RNF220: variants seen among roughly 807,000 people sequenced by gnomAD.
RNF220 encodes the protein E3 ubiquitin-protein ligase RNF220.
RNF220 carries 7 observed loss-of-function variants against 67.1 expected under a neutral mutation model. The observed-to-expected ratio is 0.10, with a 90% CI of 0.06 to 0.20. The LOEUF (loss-of-function observed/expected upper bound fraction) is 0.20, where lower values mean the gene tolerates loss of function less well. Ranked by LOEUF, RNF220 falls within the 10% of genes least tolerant of loss-of-function variation. The pLI is 1.00. For synonymous variants in RNF220, 270 were observed against 283.2 expected (o/e 0.95, Z 0.47); for missense variants, 565 against 740.3 (o/e 0.76, Z 2.75).
Position 44,645,475 on chromosome 1 carries a change from A to G in RNF220, c.1432A>G (p.Ser478Gly), listed in dbSNP as rs201667809. 8 of 1,614,004 alleles carry G rather than the reference A, an allele frequency of 5.0e-6. No homozygotes were observed. The highest frequency in any genetic ancestry group is 4.0e-5 in the African/African-American group (3 of 75,036). ...GGCCATGCAGAAGACCTGCAAGAACAGCGACATCGAGAAGTAAGTGTTTGG... is the reference window on the plus strand; with the variant it reads ...GGCCATGCAGAAGACCTGCAAGAACGGCGACATCGAGAAGTAAGTGTTTGG... ...QEAMQKTCKN[S>G]DIEKITEDSA... Residue 478 changes from serine to glycine, a missense_variant, in exon 12 of 15, where the codon AGC becomes GGC. Transcript: ENST00000361799. The surrounding 1 kb of genome is among the most constrained non-coding windows in gnomAD (Gnocchi z 5.0).
At chr1:44,484,933 G>A (rs1232605268) in intron 2 of RNF220, among the ~76,000 whole-genome samples, 2 of 152,148 alleles carry the variant, frequency 1.3e-5, no homozygotes, top group Non-Finnish European at 2.9e-5. Context: ...CACAAGGTCA[G>A]GAGATCGAGG....
intron 2 of RNF220, among the ~76,000 whole-genome samples, chr1:44,553,477 C>T (rs1315408182): frequency 1.3e-5 from 2 of 152,118 alleles, no homozygotes; most frequent in Non-Finnish European, 2.9e-5. Context: ...TCACTAAAAA[C>T]GAGATGACTT....
intron 5 of RNF220, among the ~76,000 whole-genome samples, chr1:44,627,966 T>C (rs889049033): frequency 1.3e-5 from 2 of 152,330 alleles, no homozygotes; most frequent in South Asian, 2.1e-4. Flanking sequence ...TCAAACTGCA[T>C]AGCCCAAAGT....
intron 2 of RNF220, among the ~76,000 whole-genome samples, chr1:44,442,299 C>A (rs147861623): frequency 9.9e-5 from 15 of 151,890 alleles, no homozygotes; most frequent in Admixed American, 3.3e-4. Flanking sequence ...TGCGCCACCA[C>A]GCCTAGTTAA....
At chr1:44,518,915 T>C (rs1044418634) in intron 2 of RNF220, among the ~76,000 whole-genome samples, 56 of 152,132 alleles carry the variant, frequency 3.7e-4, no homozygotes, top group African/African-American at 1.3e-3. Context: ...TAATCCTGAT[T>C]AGAAGGTGAA....
At position 44,530,426 on chromosome 1, in the gene RNF220, A is replaced by G. The variant is rs1357922180; in HGVS notation, c.626-83739A>G. The stretch of plus-strand genomic sequence containing the variant: ...TCACAAATGCAGATGTACAAAAAGG[A>G]CATCTCGTCATTTACTGAGGAAGTT... On this transcript the variant is annotated intron_variant, in intron 2 of 14. Transcript: ENST00000361799. Among the ~76,000 whole-genome samples the G allele has an allele frequency of 2.0e-5, 3 of 152,164 alleles. No individual in the cohort carries two copies. The East Asian group carries it at 5.8e-4, about 29-fold the overall frequency.
Position 44,645,483 on chromosome 1 carries a change from C to G in RNF220, c.1440C>G (p.Ile480Met). 1.2e-6 allele frequency: 2 copies of G among 1,613,868 alleles called. No homozygotes were observed. Among genetic ancestry groups the G allele is most frequent in the Non-Finnish European group, 1.7e-6 (2 of 1,179,938 alleles). Reference sequence around the variant, plus strand: ...AGAAGACCTGCAAGAACAGCGACATCGAGAAGTAAGTGTTTGGCCAGGAGA... The same window carrying G: ...AGAAGACCTGCAAGAACAGCGACATGGAGAAGTAAGTGTTTGGCCAGGAGA... ...AMQKTCKNSD[I>M]EKITEDSAVT... is the part of the protein sequence containing the mutation. The change falls in exon 12 of 15, where the codon ATC becomes ATG. Residue 480 changes from isoleucine (I) to methionine (M), a missense_variant. By Grantham distance (10) the Ile-to-Met change is conservative. Transcript: ENST00000361799. This position sits in a 1 kb window ranked among gnomAD's most constrained non-coding sequence, Gnocchi z 5.0.
At chr1:44,583,103 A>G (rs573276585) in intron 2 of RNF220, among the ~76,000 whole-genome samples, 1 of 152,286 alleles carries the variant, frequency 6.6e-6, no homozygotes, top group South Asian at 2.1e-4. Context: ...CAGAACTGGC[A>G]AAAAGGGAAC....
chr1:44,487,061 G>A (rs1198330026), intron 2 of RNF220, among the ~76,000 whole-genome samples: 1 of 152,186 alleles, frequency 6.6e-6, no homozygotes, highest in East Asian at 1.9e-4. Flanking sequence ...TCATCCAGGT[G>A]CGGTGGCTCA....
intron 2 of RNF220, among the ~76,000 whole-genome samples, chr1:44,582,509 C>T (rs1665367443): frequency 6.6e-6 from 1 of 152,206 alleles, no homozygotes; most frequent in Non-Finnish European, 1.5e-5. Context: ...GTAATCCCAG[C>T]ACGTTGGGAG....
rs111341246 is a variant in RNF220 at position 44,629,771 on chromosome 1, G to A, written c.907-2572G>A. On this transcript the variant is annotated intron_variant, in intron 5 of 14. Transcript: ENST00000361799. ...AATCAGAGTAAGCTTCACACAGGAG[G>A]TAATGACTGAAAACGGACTCAGAGA... Among the ~76,000 whole-genome samples, 590 of 152,294 alleles carry A rather than the reference G, an allele frequency of 3.9e-3. 8 individuals carry two copies. Among genetic ancestry groups the A allele is most frequent in the African/African-American group, 0.013 (552 of 41,542 alleles).
At chr1:44,445,442 A>G (rs1486640136) in intron 2 of RNF220, among the ~76,000 whole-genome samples, 1 of 152,202 alleles carries the variant, frequency 6.6e-6, no homozygotes, top group Non-Finnish European at 1.5e-5. Context: ...GAAGGACAAC[A>G]TGGGCTGTGA....
chr1:44,644,582 A>C (rs1644581581), intron 8 of RNF220, 116 bp from the exon 9 acceptor site: 1 of 716,898 alleles, frequency 1.4e-6, no homozygotes, highest in Non-Finnish European at 2.4e-6. Flanking sequence ...TCCCAGGCCC[A>C]GGTTTCCCTC....
At chr1:44,640,280 CT>C (rs1644449449) in intron 8 of RNF220, among the ~76,000 whole-genome samples, 1 of 152,254 alleles carries the variant, frequency 6.6e-6, no homozygotes, top group Non-Finnish European at 1.5e-5. Context: ...CAGTGCAGCT[CT>C]GCTGTTGGTC....
At chr1:44,408,549 C>G (rs1647636002) in intron 1 of RNF220, among the ~76,000 whole-genome samples, 1 of 152,366 alleles carries the variant, frequency 6.6e-6, no homozygotes, top group Non-Finnish European at 1.5e-5. Context: ...CAACCCCCCA[C>G]TACTCTGCCT....
chr1:44,459,119 A>T (rs1653494106), intron 2 of RNF220, among the ~76,000 whole-genome samples: 1 of 152,230 alleles, frequency 6.6e-6, no homozygotes, highest in Non-Finnish European at 1.5e-5. Flanking sequence ...AACAATTCTA[A>T]CTTGTAAAAT....
intron 2 of RNF220, among the ~76,000 whole-genome samples, chr1:44,578,190 C>T (rs1342973401): frequency 6.8e-6 from 1 of 147,480 alleles, no homozygotes; most frequent in Non-Finnish European, 1.5e-5. Flanking sequence ...GCTCTGTCTC[C>T]CAGCCTGGAG....
chr1:44,543,663 G>A (rs1354706284), intron 2 of RNF220, among the ~76,000 whole-genome samples: 2 of 151,954 alleles, frequency 1.3e-5, no homozygotes, highest in African/African-American at 4.8e-5. Context: ...TGACCGGGGT[G>A]TACAGGAAAC....
At position 44,645,576 on chromosome 1, in the gene RNF220, T is replaced by A; in HGVS notation, c.1445+88T>A. The A allele has an allele frequency of 1.5e-6, 2 of 1,357,174 alleles. No homozygotes were observed. The highest frequency in any genetic ancestry group is 3.8e-5 in the Admixed American group (2 of 53,232). 84.1% of individuals were successfully genotyped at this position (1,357,174 alleles called of 1,614,324 possible). On this transcript the variant is annotated intron_variant, in intron 12 of 14. Coordinates refer to ENST00000361799, the MANE Select transcript of RNF220 (RefSeq NM_018150.4). The surrounding 1 kb of genome is among the most constrained non-coding windows in gnomAD (Gnocchi z 5.0). Reference sequence around the variant, plus strand: ...TAGCAGGAAGGCCTGCTGCCAGGGCTTCTGGCCCTCCCAAGTGCAGCTCAG... The same window carrying A: ...TAGCAGGAAGGCCTGCTGCCAGGGCATCTGGCCCTCCCAAGTGCAGCTCAG...
Sources: allele counts gnomAD v4.1 joint callset (sites outside exome capture counted in the v4.1 genomes callset), GRCh38; gene constraint gnomAD v4.1.1; non-coding constraint Gnocchi (gnomAD v3.1); transcripts MANE v1.5; gene names NCBI Gene and HGNC (gene_info 2026-07-23, HGNC 2026-07-21).